SMAD1: variants seen among roughly 807,000 people sequenced by gnomAD.
SMAD1 encodes the protein MAD, mothers against decapentaplegic homolog 1.
Under a neutral mutation model 41.6 loss-of-function variants are expected in SMAD1, and 6 were observed. The ratio of observed to expected loss-of-function variants is 0.14; its 90% CI spans 0.08 to 0.28. SMAD1 has a LOEUF of 0.28. Ranked by LOEUF, SMAD1 falls within the 10% of genes least tolerant of loss-of-function variation. The pLI, the probability that SMAD1 is intolerant of heterozygous loss-of-function variation, is 1.00. For synonymous variants in SMAD1, 206 were observed against 203.2 expected, an observed-to-expected ratio of 1.01 and a Z score of -0.12; for missense variants, 379 against 582.6, an observed-to-expected ratio of 0.65 and a Z score of 3.60.
intron 1 of SMAD1, among the ~76,000 whole-genome samples, chr4:145,485,290 G>C (rs1448970462): frequency 6.6e-6 from 1 of 152,122 alleles, no homozygotes; most frequent in Non-Finnish European, 1.5e-5. Flanking sequence ...TGCCCAGGCT[G>C]GTCTTGAACT....
chr4:145,492,852 C>T (rs909327015), intron 1 of SMAD1, among the ~76,000 whole-genome samples: 4 of 152,228 alleles, frequency 2.6e-5, no homozygotes, highest in African/African-American at 7.2e-5. Context: ...ATATATTTTA[C>T]AGTACCGCAG....
At chr4:145,536,656 A>G (rs553225584) in intron 2 of SMAD1, among the ~76,000 whole-genome samples, 1 of 152,346 alleles carries the variant, frequency 6.6e-6, no homozygotes, top group East Asian at 1.9e-4. Flanking sequence ...GGAGTTAAAG[A>G]AAATTCAGTT....
At chr4:145,533,740 T>C (rs1731452743) in intron 2 of SMAD1, among the ~76,000 whole-genome samples, 1 of 152,074 alleles carries the variant, frequency 6.6e-6, no homozygotes, top group South Asian at 2.1e-4. Context: ...AATAAGGAAG[T>C]TTTTGTAAGT....
At chr4:145,517,436 G>A (rs768085352) in intron 2 of SMAD1, among the ~76,000 whole-genome samples, 39 of 152,010 alleles carry the variant, frequency 2.6e-4, no homozygotes, top group Admixed American at 4.6e-4. Context: ...TCTGCTTGGG[G>A]AGGTTAGGTC....
chr4:145,482,654 T>G lies in SMAD1; in HGVS notation c.-177+616T>G, dbSNP rs1006327649. The G allele has an allele frequency of 6.6e-6, 1 of 152,128 alleles. No individual in the cohort carries two copies. The highest frequency in any genetic ancestry group is 2.1e-4 in the South Asian group (1 of 4,822). 9.4% of individuals were successfully genotyped at this position (152,128 alleles called of 1,614,324 possible). On this transcript the variant is annotated intron_variant, in intron 1 of 6. Transcript: ENST00000302085. This position sits in a 1 kb window ranked among gnomAD's most constrained non-coding sequence, Gnocchi z 4.2. ...TCTTCTCGGCCCCAGCAAGCCTCTT[T>G]GGGGTCGAGGTCAAGGAAAGTTCGC...
In SMAD1 at chr4:145,494,281, G is replaced by A. The variant is rs141418949; in HGVS notation, c.-177+12243G>A. Reference sequence around the variant, plus strand: ...GGCCCCAGTTCATTCTTTCAGCAAGGTTTTGAGTGTCTGTATTTCTATTTA... The same window carrying A: ...GGCCCCAGTTCATTCTTTCAGCAAGATTTTGAGTGTCTGTATTTCTATTTA... On this transcript the variant is annotated intron_variant, in intron 1 of 6. Coordinates refer to ENST00000302085, the MANE Select transcript of SMAD1 (RefSeq NM_005900.3). Among the ~76,000 whole-genome samples the A allele has an allele frequency of 9.9e-4, 151 of 152,202 alleles. 1 individual carries two copies. In the East Asian group the frequency reaches 0.021, roughly 21 times the overall value.
chr4:145,502,681 A>T (rs957696905), intron 1 of SMAD1, among the ~76,000 whole-genome samples: 3 of 152,226 alleles, frequency 2.0e-5, no homozygotes, highest in African/African-American at 4.8e-5. Context: ...AATAAACTAC[A>T]GTTATATCCT....
At chr4:145,500,952 T>C (rs1353683342) in intron 1 of SMAD1, among the ~76,000 whole-genome samples, 1 of 152,188 alleles carries the variant, frequency 6.6e-6, no homozygotes, top group Admixed American at 6.5e-5. Flanking sequence ...GAAAAGCAAA[T>C]TGAGGCTCAG....
chr4:145,488,002 G>A (rs1014388142), intron 1 of SMAD1, among the ~76,000 whole-genome samples: 3 of 152,086 alleles, frequency 2.0e-5, no homozygotes, highest in Non-Finnish European at 4.4e-5. Context: ...GCTAAAATCT[G>A]AACTTTAGAG....
intron 1 of SMAD1, among the ~76,000 whole-genome samples, chr4:145,499,287 G>A (rs1285481374): frequency 6.6e-6 from 1 of 152,160 alleles, no homozygotes; most frequent in East Asian, 1.9e-4. Context: ...TATCTGACAG[G>A]TCACAGTCAA....
rs372092387 is a variant in SMAD1, at chr4:145,515,256, C to T, written c.400+243C>T. ...TAGTCATCTCTAGTTAACATTATGT[C>T]TTGGGAGCAGGCTATGACAATTGTC... On this transcript the variant is annotated intron_variant, in intron 2 of 6. Coordinates refer to ENST00000302085, the MANE Select transcript of SMAD1 (RefSeq NM_005900.3). 4.3e-4 allele frequency among the ~76,000 whole-genome samples: 65 copies of T among 151,652 alleles called. 1 individual carries two copies. The South Asian group carries it at 0.012, about 27-fold the overall frequency.
chr4:145,516,446 A>AT (rs1278579731), intron 2 of SMAD1, among the ~76,000 whole-genome samples: 1 of 152,148 alleles, frequency 6.6e-6, no homozygotes, highest in Non-Finnish European at 1.5e-5. Context: ...TGAGCATAAT[A>AT]TTATTTAGTG....
In SMAD1 at chr4:145,558,684, AC is replaced by A. The variant is rs147723843; in HGVS notation, c.*752del. Reference sequence around the variant, plus strand: ...TGTTGCTTTAAAGAAACAAACTGATACCTGAATTTTGCTGTGTTTCCATTTT... The same window carrying A: ...TGTTGCTTTAAAGAAACAAACTGATACTGAATTTTGCTGTGTTTCCATTTT... On this transcript the variant is annotated 3_prime_UTR_variant, in exon 7 of 7. Transcript: ENST00000302085. 0.078 allele frequency among the ~76,000 whole-genome samples: 11,883 copies of A among 152,030 alleles called. 806 individuals carry two copies. The highest frequency in any genetic ancestry group is 0.17 in the African/African-American group (6,931 of 41,430).
chr4:145,489,515 A>C (rs1728665198), intron 1 of SMAD1, among the ~76,000 whole-genome samples: 1 of 152,222 alleles, frequency 6.6e-6, no homozygotes. Context: ...AGGCTTGGTG[A>C]TTATGTGGCT....
intron 1 of SMAD1, among the ~76,000 whole-genome samples, chr4:145,496,564 ATTTT>A (rs1224534151): frequency 6.6e-6 from 1 of 152,140 alleles, no homozygotes; most frequent in African/African-American, 2.4e-5. Flanking sequence ...TTATACTCAG[ATTTT>A]TTTCTCAACC....
intron 2 of SMAD1, 59 bp from the exon 3 acceptor site, chr4:145,539,745 G>T: frequency 1.3e-6 from 2 of 1,505,982 alleles, no homozygotes; most frequent in Non-Finnish European, 9.2e-7. Flanking sequence ...TTATTGTGAT[G>T]TAATTATAGA....
At chr4:145,503,397 G>A (rs1008781644) in intron 1 of SMAD1, among the ~76,000 whole-genome samples, 3 of 152,210 alleles carry the variant, frequency 2.0e-5, no homozygotes, top group Non-Finnish European at 4.4e-5. Flanking sequence ...TAGCAATGAA[G>A]TTAAGCGCTG....
In SMAD1 at chr4:145,526,574, G is replaced by A. The variant is rs1578792641; in HGVS notation, c.400+11561G>A. Among the ~76,000 whole-genome samples the A allele has an allele frequency of 6.6e-5, 10 of 151,382 alleles. No individual in the cohort carries two copies. The South Asian group carries it at 2.1e-3, about 31-fold the overall frequency. On this transcript the variant is annotated intron_variant, in intron 2 of 6. Coordinates refer to ENST00000302085, the MANE Select transcript of SMAD1 (RefSeq NM_005900.3). ...GGGAGCATGTCACAAGGACCCAGAG[G>A]CCAGCTTGTGACAAATCTGAGACAA...
intron 1 of SMAD1, chr4:145,497,324 T>C (rs575094841): frequency 6.6e-6 from 1 of 152,350 alleles, no homozygotes; most frequent in Non-Finnish European, 1.5e-5. Context: ...TAGCACAGAC[T>C]GTAGGTCGCT....
Sources: allele counts gnomAD v4.1 joint callset (sites outside exome capture counted in the v4.1 genomes callset), GRCh38; gene constraint gnomAD v4.1.1; non-coding constraint Gnocchi (gnomAD v3.1); transcripts MANE v1.5; gene names NCBI Gene and HGNC (gene_info 2026-07-23, HGNC 2026-07-21).